PREX2: variants seen among roughly 807,000 people sequenced by gnomAD.
PREX2 encodes phosphatidylinositol 3,4,5-trisphosphate-dependent Rac exchanger 2 protein.
In PREX2, 107 loss-of-function variants were observed where a neutral mutation model predicts 203.2. The ratio of observed to expected loss-of-function variants is 0.53; its 90% CI spans 0.45 to 0.62. PREX2 has a LOEUF of 0.62. PREX2 is among the 20% of genes least tolerant of loss of function. The pLI is 0.00. For missense variants in PREX2, 1,777 were observed against 1,955.9 expected (o/e 0.91, Z 1.72); for synonymous variants, 672 against 663.6 (o/e 1.01, Z -0.19).
chr8:68,093,770 C>A, intron 21 of PREX2, 48 bp downstream of exon 21: 1 of 1,019,928 alleles, frequency 9.8e-7, no homozygotes, highest in Non-Finnish European at 1.5e-6. Flanking sequence ...TTCTTTTCCA[C>A]TGTGCATGTG....
intron 33 of PREX2, among the ~76,000 whole-genome samples, chr8:68,145,782 C>T (rs955261490): frequency 1.3e-5 from 2 of 151,930 alleles, no homozygotes; most frequent in African/African-American, 4.8e-5. Flanking sequence ...GCTTGCAGAA[C>T]CCATGCTAAT....
intron 1 of PREX2, among the ~76,000 whole-genome samples, chr8:68,000,510 C>T (rs10957412): frequency 0.69 from 104,405 of 152,132 alleles, 36,054 homozygotes; most frequent in South Asian, 0.81. Flanking sequence ...ATCATTTAAA[C>T]GTCCATACTG....
At chr8:68,084,800 A>G (rs1052984665) in intron 18 of PREX2, among the ~76,000 whole-genome samples, 1 of 152,182 alleles carries the variant, frequency 6.6e-6, no homozygotes, top group African/African-American at 2.4e-5. Flanking sequence ...TTTAAAAGGA[A>G]GAAGACAGAC....
intron 9 of PREX2, among the ~76,000 whole-genome samples, chr8:68,055,523 G>T (rs998243069): frequency 6.6e-6 from 1 of 152,058 alleles, no homozygotes; most frequent in Non-Finnish European, 1.5e-5. Flanking sequence ...CTAACTCTGA[G>T]CAAGGGTGCC....
intron 32 of PREX2, among the ~76,000 whole-genome samples, chr8:68,136,369 C>G (rs925344453): frequency 6.6e-6 from 1 of 152,122 alleles, no homozygotes; most frequent in Non-Finnish European, 1.5e-5. Context: ...AACCCATAGT[C>G]TTTCTGCTTC....
At chr8:68,047,191 C>T (rs979465681) in intron 8 of PREX2, among the ~76,000 whole-genome samples, 32 of 151,886 alleles carry the variant, frequency 2.1e-4, no homozygotes, top group Admixed American at 6.6e-4. Context: ...AACTTTCTTC[C>T]TTTGTTGTTT....
intron 1 of PREX2, among the ~76,000 whole-genome samples, chr8:68,009,923 C>T (rs1807213946): frequency 6.6e-6 from 1 of 152,176 alleles, no homozygotes. Context: ...TGTCATTTTA[C>T]TTCCAGCCTG....
At chr8:68,210,036 C>G (rs1812714414) in intron 37 of PREX2, among the ~76,000 whole-genome samples, 1 of 152,164 alleles carries the variant, frequency 6.6e-6, no homozygotes, top group African/African-American at 2.4e-5. Context: ...AATTGCCGCT[C>G]AAGTAACTTT....
chr8:68,213,974 G>A (rs1359123737), intron 37 of PREX2, among the ~76,000 whole-genome samples: 1 of 152,160 alleles, frequency 6.6e-6, no homozygotes, highest in African/African-American at 2.4e-5. Flanking sequence ...TTTAAGTGAT[G>A]TTGTAGTAGA....
At chr8:68,057,223 G>A (rs1808708736) in intron 10 of PREX2, among the ~76,000 whole-genome samples, 1 of 152,258 alleles carries the variant, frequency 6.6e-6, no homozygotes, top group South Asian at 2.1e-4. Flanking sequence ...CTGCTGCCGT[G>A]TAAGGTGTGC....
intron 34 of PREX2, among the ~76,000 whole-genome samples, chr8:68,152,815 T>C (rs1291522931): frequency 6.6e-6 from 1 of 152,172 alleles, no homozygotes; most frequent in Admixed American, 6.5e-5. Flanking sequence ...CTGGCAAAGC[T>C]TCTGCAGGCA....
At chr8:68,030,824 A>G (rs868384649) in intron 6 of PREX2, among the ~76,000 whole-genome samples, 166 bp downstream of exon 6, 3 of 152,212 alleles carry the variant, frequency 2.0e-5, no homozygotes, top group Non-Finnish European at 2.9e-5. Flanking sequence ...ATTTTAAAGT[A>G]TCTTTAAGGT....
Position 68,155,159 on chromosome 8 carries a change from A to G in PREX2, c.4232-2163A>G, listed in dbSNP as rs151157666. On this transcript the variant is annotated intron_variant, in intron 34 of 39. Coordinates refer to ENST00000288368, the MANE Select transcript of PREX2 (RefSeq NM_024870.4). Reference sequence around the variant, plus strand: ...ATAGGGCATATCAGAGAAAAGCCTCATCCAATATCTGCTGACTTGCAGAAG... The same window carrying G: ...ATAGGGCATATCAGAGAAAAGCCTCGTCCAATATCTGCTGACTTGCAGAAG... 3.9e-3 allele frequency among the ~76,000 whole-genome samples: 601 copies of G among 152,242 alleles called. 8 individuals are homozygous for G. The highest frequency in any genetic ancestry group is 0.014 in the African/African-American group (575 of 41,560).
chr8:68,027,498 T>A (rs542557061), intron 5 of PREX2, among the ~76,000 whole-genome samples, 175 bp downstream of exon 5: 1 of 152,172 alleles, frequency 6.6e-6, no homozygotes, highest in Non-Finnish European at 1.5e-5. Context: ...GAAACAGATG[T>A]TCAGTGGAAA....
chr8:68,136,018 A>C (rs1283384171), intron 32 of PREX2, among the ~76,000 whole-genome samples: 1 of 152,192 alleles, frequency 6.6e-6, no homozygotes, highest in Non-Finnish European at 1.5e-5. Flanking sequence ...GAAATGTACT[A>C]ACTAGGTACA....
intron 19 of PREX2, 130 bp from the exon 20 acceptor site, chr8:68,090,449 C>T (rs1275516564): frequency 1.3e-6 from 1 of 758,378 alleles, no homozygotes; most frequent in Non-Finnish European, 2.0e-6. Flanking sequence ...CTCTCAGAAC[C>T]AAGTTTATCA....
chr8:68,045,845 G>T (rs1215217665), intron 8 of PREX2, among the ~76,000 whole-genome samples: 1 of 152,040 alleles, frequency 6.6e-6, no homozygotes, highest in East Asian at 1.9e-4. Flanking sequence ...TCCATAGCAG[G>T]ATGTACACAT....
chr8:67,955,626 C>G (rs1471219371), intron 1 of PREX2, among the ~76,000 whole-genome samples: 1 of 152,182 alleles, frequency 6.6e-6, no homozygotes, highest in Non-Finnish European at 1.5e-5. Context: ...TACTTTGGTC[C>G]TCATTCTGTT....
At chr8:68,055,527 G>A (rs1351095081) in intron 9 of PREX2, among the ~76,000 whole-genome samples, 1 of 152,056 alleles carries the variant, frequency 6.6e-6, no homozygotes, top group Non-Finnish European at 1.5e-5. Flanking sequence ...CTCTGAGCAA[G>A]GGTGCCTGGT....
Sources: gnomAD v4.1 joint callset for allele counts (sites outside exome capture counted in the v4.1 genomes callset) on GRCh38, gnomAD v4.1.1 for gene constraint, MANE v1.5 for transcripts, NCBI Gene and HGNC (gene_info 2026-07-23, HGNC 2026-07-21) for gene names.